Variants in ZBTB16 observed in about 807,000 individuals in gnomAD.
ZBTB16 encodes zinc finger and BTB domain-containing protein 16.
ZBTB16 carries 8 observed loss-of-function variants against 56.8 expected under a neutral mutation model. The observed-to-expected ratio is 0.14, with a 90% CI of 0.08 to 0.25. ZBTB16 has a LOEUF of 0.25. Among genes scored for constraint, ZBTB16 ranks in the 10% least tolerant of loss-of-function variants. ZBTB16 has a pLI of 1.00. For synonymous variants in ZBTB16, 363 were observed against 368.5 expected, an observed-to-expected ratio of 0.98 and a Z score of 0.17; for missense variants, 625 against 903.0, an observed-to-expected ratio of 0.69 and a Z score of 3.95.
At chr11:114,148,026 A>G (rs980080234) in intron 2 of ZBTB16, among the ~76,000 whole-genome samples, 1 of 152,246 alleles carries the variant, frequency 6.6e-6, no homozygotes, top group African/African-American at 2.4e-5. Context: ...TTAGTATTTT[A>G]AAACAAAGGA....
chr11:114,172,308 G>A (rs936151683), intron 3 of ZBTB16, among the ~76,000 whole-genome samples: 10 of 152,222 alleles, frequency 6.6e-5, no homozygotes, highest in African/African-American at 2.4e-4. Context: ...ATGGTAGAAA[G>A]GAGGAAACCA....
At chr11:114,173,369 G>A (rs1943020915) in intron 3 of ZBTB16, among the ~76,000 whole-genome samples, 2 of 152,182 alleles carry the variant, frequency 1.3e-5, no homozygotes, top group Non-Finnish European at 2.9e-5. Flanking sequence ...GAGGGTGGCA[G>A]TCTCTGGAGC....
chr11:114,186,133 A>G (rs2135058269), intron 3 of ZBTB16, among the ~76,000 whole-genome samples: 2 of 152,256 alleles, frequency 1.3e-5, no homozygotes, highest in South Asian at 2.1e-4. Context: ...GCATTGCCTC[A>G]CCTACAGTTG....
chr11:114,137,718 T>C lies in ZBTB16; in HGVS notation c.1269-18619T>C, dbSNP rs12284240. Among the ~76,000 whole-genome samples the C allele has an allele frequency of 6.7e-3, 1,015 of 151,462 alleles. 17 individuals carry two copies. The highest frequency in any genetic ancestry group is 0.022 in the African/African-American group (910 of 41,000). ...TATTTCATTAAGGTTGACCATGCCC[T>C]TTTTTTTGGGCAGAGGGAATAGGAT... On this transcript the variant is annotated intron_variant, in intron 2 of 6. Transcript: ENST00000335953.
At chr11:114,133,574 C>A (rs545128073) in intron 2 of ZBTB16, among the ~76,000 whole-genome samples, 108 of 152,300 alleles carry the variant, frequency 7.1e-4, no homozygotes, top group African/African-American at 2.5e-3. Flanking sequence ...GAGCAGTCAT[C>A]GGGCTGGTAA....
intron 2 of ZBTB16, among the ~76,000 whole-genome samples, chr11:114,088,370 C>T (rs146325928): frequency 5.3e-5 from 8 of 152,158 alleles, no homozygotes; most frequent in Middle Eastern, 6.8e-3. Flanking sequence ...CCCAACTCCT[C>T]GCCTCAAGTG....
chr11:114,212,078 C>A (rs1161827163), intron 4 of ZBTB16, among the ~76,000 whole-genome samples: 1 of 151,874 alleles, frequency 6.6e-6, no homozygotes, highest in Non-Finnish European at 1.5e-5. Context: ...AGCCCACCTC[C>A]TTTTGTACAG....
At chr11:114,118,809 G>A (rs1027686725) in intron 2 of ZBTB16, among the ~76,000 whole-genome samples, 1 of 152,156 alleles carries the variant, frequency 6.6e-6, no homozygotes. Flanking sequence ...TAAAAGGAGG[G>A]TTGCGTCTCT....
At chr11:114,242,091 C>T in intron 4 of ZBTB16, 76 bp from the exon 5 acceptor site, 1 of 1,578,736 alleles carries the variant, frequency 6.3e-7, no homozygotes, top group Non-Finnish European at 8.7e-7. Context: ...CCGACACTGG[C>T]TCTCACTCCA....
chr11:114,155,465 G>C (rs113363734), intron 2 of ZBTB16, among the ~76,000 whole-genome samples: 28 of 114,132 alleles, frequency 2.5e-4, no homozygotes, highest in African/African-American at 1.4e-3. Context: ...CCCCGGGTTG[G>C]GGGTTGGGAG....
At chr11:114,096,934 A>T (rs748550093) in intron 2 of ZBTB16, among the ~76,000 whole-genome samples, 60 of 152,334 alleles carry the variant, frequency 3.9e-4, no homozygotes, top group Non-Finnish European at 3.8e-4. Context: ...TGTTATGTGT[A>T]TACACACACA....
chr11:114,059,939 TC>T lies in ZBTB16; in HGVS notation c.-91+60del, dbSNP rs1938753332. Reference sequence around the variant, plus strand: ...CCAGCGAGCGCCGCGCGCCGGGGCTTCCCGGGGCTGGAGAGGTCTGGGGGGC... The same window carrying T: ...CCAGCGAGCGCCGCGCGCCGGGGCTTCCGGGGCTGGAGAGGTCTGGGGGGC... On this transcript the variant is annotated intron_variant, in intron 1 of 6. Coordinates refer to ENST00000335953, the MANE Select transcript of ZBTB16 (RefSeq NM_006006.6). This position sits in a 1 kb window ranked among gnomAD's most constrained non-coding sequence, Gnocchi z 5.3. 2.5e-6 allele frequency: 1 copy of T among 392,916 alleles called. No individual in the cohort carries two copies. Among genetic ancestry groups the T allele is most frequent in the South Asian group, 1.4e-4 (1 of 7,302 alleles). The allele number at this position is 392,916 out of a possible 1,614,324, so 24.3% of individuals were successfully genotyped here. A position where few individuals can be genotyped will look rare whatever the true frequency, so the allele number is the denominator to read the frequency against.
At chr11:114,249,548 G>C (rs1279987318) in intron 6 of ZBTB16, among the ~76,000 whole-genome samples, 1 of 141,892 alleles carries the variant, frequency 7.0e-6, no homozygotes, top group African/African-American at 2.7e-5. Context: ...GGTGGATCTT[G>C]AGGTCAGGAG....
intron 2 of ZBTB16, among the ~76,000 whole-genome samples, chr11:114,119,837 A>G (rs923358337): frequency 6.6e-6 from 1 of 152,206 alleles, no homozygotes; most frequent in South Asian, 2.1e-4. Flanking sequence ...ACCTGGTGTC[A>G]CACAGCTAGC....
At chr11:114,218,681 A>T (rs1229305005) in intron 4 of ZBTB16, among the ~76,000 whole-genome samples, 2 of 152,180 alleles carry the variant, frequency 1.3e-5, no homozygotes, top group East Asian at 3.9e-4. Flanking sequence ...TGAGATATTA[A>T]CTTCTGTCAA....
At chr11:114,138,846 A>G (rs929455393) in intron 2 of ZBTB16, among the ~76,000 whole-genome samples, 2 of 151,952 alleles carry the variant, frequency 1.3e-5, no homozygotes, top group Non-Finnish European at 2.9e-5. Context: ...ATGCACCACC[A>G]TGCCCAGCTA....
chr11:114,129,860 C>A (rs1209683180), intron 2 of ZBTB16, among the ~76,000 whole-genome samples: 2 of 152,220 alleles, frequency 1.3e-5, no homozygotes, highest in Non-Finnish European at 2.9e-5. Context: ...GGCTTCTCCC[C>A]CCTCCTTCTC....
At chr11:114,198,159 A>G (rs1396233376) in intron 4 of ZBTB16, among the ~76,000 whole-genome samples, 4 of 152,240 alleles carry the variant, frequency 2.6e-5, no homozygotes, top group Non-Finnish European at 5.9e-5. Flanking sequence ...TGAAAACATA[A>G]TAGCATTTGA....
In ZBTB16 at chr11:114,143,208, G is replaced by A. The variant is rs549910301; in HGVS notation, c.1269-13129G>A. ...GTTCTACTCCATCCAAATCCCGATTGATTTATTACCCACTGTACAGCCAAG... is the reference window on the plus strand; with the variant it reads ...GTTCTACTCCATCCAAATCCCGATTAATTTATTACCCACTGTACAGCCAAG... On this transcript the variant is annotated intron_variant, in intron 2 of 6. Coordinates refer to ENST00000335953, the MANE Select transcript of ZBTB16 (RefSeq NM_006006.6). The surrounding 1 kb of genome is among the most constrained non-coding windows in gnomAD (Gnocchi z 6.4). Among the ~76,000 whole-genome samples, 1 of 152,258 alleles carries A rather than the reference G, an allele frequency of 6.6e-6. No individual in the cohort carries two copies. Among genetic ancestry groups the A allele is most frequent in the South Asian group, 2.1e-4 (1 of 4,810 alleles).
Sources: allele counts gnomAD v4.1 joint callset (sites outside exome capture counted in the v4.1 genomes callset), GRCh38; gene constraint gnomAD v4.1.1; non-coding constraint Gnocchi (gnomAD v3.1); transcripts MANE v1.5; gene names NCBI Gene and HGNC (gene_info 2026-07-23, HGNC 2026-07-21).